TSHZ2: variants seen among roughly 807,000 people sequenced by gnomAD.
The protein encoded by TSHZ2 is teashirt zinc finger homeobox 2.
Under a neutral mutation model 74.4 loss-of-function variants are expected in TSHZ2, and 21 were observed. That is an observed-to-expected ratio of 0.28 (90% CI 0.20 to 0.41). The LOEUF (loss-of-function observed/expected upper bound fraction) is 0.41. Among genes scored for constraint, TSHZ2 ranks in the 10% least tolerant of loss-of-function variants. The pLI is 1.00. For missense variants in TSHZ2, 1,244 were observed against 1,293.5 expected, an observed-to-expected ratio of 0.96 and a Z score of 0.59; for synonymous variants, 540 against 515.3, an observed-to-expected ratio of 1.05 and a Z score of -0.65.
chr20:53,108,855 T>C (rs565994188), intron 1 of TSHZ2, among the ~76,000 whole-genome samples: 19 of 152,292 alleles, frequency 1.2e-4, no homozygotes, highest in African/African-American at 4.3e-4. Context: ...AGTCTCTACC[T>C]TCAGTGTCCC....
chr20:53,206,090 G>C (rs1263421688), intron 1 of TSHZ2, among the ~76,000 whole-genome samples: 1 of 152,024 alleles, frequency 6.6e-6, no homozygotes, highest in Non-Finnish European at 1.5e-5. Flanking sequence ...GTGGTGGCAC[G>C]AGCCTGTAAT....
At chr20:53,208,495 G>A (rs143078958) in intron 1 of TSHZ2, 5 of 152,298 alleles carry the variant, frequency 3.3e-5, no homozygotes, top group Admixed American at 6.5e-5. Context: ...CACTCCCCAA[G>A]TATTGTAACT....
intron 2 of TSHZ2, among the ~76,000 whole-genome samples, chr20:53,362,387 T>G (rs550974116): frequency 1.3e-5 from 2 of 151,192 alleles, no homozygotes; most frequent in East Asian, 3.9e-4. Flanking sequence ...GGTTTCGCTG[T>G]GTTAGCCAGG....
chr20:53,140,943 T>C (rs1368231400), intron 1 of TSHZ2, among the ~76,000 whole-genome samples: 1 of 152,242 alleles, frequency 6.6e-6, no homozygotes, highest in African/African-American at 2.4e-5. Flanking sequence ...TGAAGCTTTG[T>C]GTGTCTTGCA....
chr20:53,345,681 C>A (rs1478838640), intron 2 of TSHZ2, among the ~76,000 whole-genome samples: 1 of 151,354 alleles, frequency 6.6e-6, no homozygotes, highest in Non-Finnish European at 1.5e-5. Flanking sequence ...GCCCGCCCCC[C>A]CATTCTGTTG....
Position 53,139,613 on chromosome 20 carries a change from A to G in TSHZ2, c.41-113886A>G, listed in dbSNP as rs562983542. 1.4e-4 allele frequency among the ~76,000 whole-genome samples: 22 copies of G among 152,322 alleles called. 1 individual carries two copies. The East Asian group carries it at 3.3e-3, about 23-fold the overall frequency. ...TTTTGCTTTTAAGTGGCAGTGATCA[A>G]AAGTGGAATCTTTCGTGTCAGATAG... On this transcript the variant is annotated intron_variant, in intron 1 of 2. Transcript: ENST00000371497.
At chr20:53,277,770 A>G (rs764527368) in intron 2 of TSHZ2, among the ~76,000 whole-genome samples, 4 of 152,208 alleles carry the variant, frequency 2.6e-5, no homozygotes, top group Non-Finnish European at 4.4e-5. Flanking sequence ...AATGCCTGCA[A>G]CTTGGAGAAT....
At chr20:53,222,479 T>C (rs939599868) in intron 1 of TSHZ2, among the ~76,000 whole-genome samples, 5 of 152,222 alleles carry the variant, frequency 3.3e-5, no homozygotes, top group Non-Finnish European at 7.3e-5. Context: ...GAAGAAGGCG[T>C]GCCACTCTAA....
intron 1 of TSHZ2, among the ~76,000 whole-genome samples, chr20:53,181,173 T>G (rs1237462185): frequency 2.0e-5 from 3 of 152,220 alleles, no homozygotes; most frequent in Non-Finnish European, 2.9e-5. Flanking sequence ...ATAAAGAATC[T>G]CTTCTCTACA....
intron 1 of TSHZ2, among the ~76,000 whole-genome samples, chr20:53,137,472 C>G (rs555070973): frequency 6.6e-6 from 1 of 152,036 alleles, no homozygotes; most frequent in Non-Finnish European, 1.5e-5. Context: ...AATGGAATCA[C>G]TTTGTAAATG....
chr20:53,267,071 C>A (rs1293315979), intron 2 of TSHZ2, among the ~76,000 whole-genome samples: 1 of 152,190 alleles, frequency 6.6e-6, no homozygotes, highest in Non-Finnish European at 1.5e-5. Flanking sequence ...AGCCACCACG[C>A]CCGGCCTCGA....
In TSHZ2 at chr20:53,290,447, T is replaced by C. The variant is rs148757302; in HGVS notation, c.*8+33876T>C. On this transcript the variant is annotated intron_variant, in intron 2 of 2. Coordinates refer to ENST00000371497, the MANE Select transcript of TSHZ2 (RefSeq NM_173485.6). ...GAGCAAACATTTATACAATGTCTAC[T>C]ATATGAAAGGCAAACTACTAGAAAA... Among the ~76,000 whole-genome samples the C allele has an allele frequency of 3.0e-4, 45 of 152,140 alleles. 2 individuals carry two copies. The highest frequency in any genetic ancestry group is 1.0e-3 in the African/African-American group (42 of 41,508).
intron 1 of TSHZ2, among the ~76,000 whole-genome samples, chr20:53,152,906 A>G (rs1002458768): frequency 1.3e-5 from 2 of 152,198 alleles, no homozygotes; most frequent in Non-Finnish European, 2.9e-5. Flanking sequence ...GACCCAGAGA[A>G]GAATTGCCTA....
chr20:53,177,015 T>G (rs1049526187), intron 1 of TSHZ2, among the ~76,000 whole-genome samples: 4 of 152,192 alleles, frequency 2.6e-5, no homozygotes, highest in Admixed American at 2.6e-4. Flanking sequence ...TATTTATTTT[T>G]GTTATTATTG....
chr20:53,121,291 A>G (rs945056066), intron 1 of TSHZ2, among the ~76,000 whole-genome samples: 1 of 152,216 alleles, frequency 6.6e-6, no homozygotes, highest in South Asian at 2.1e-4. Flanking sequence ...TCATTACTAA[A>G]TCATCTTAAG....
Position 53,255,358 on chromosome 20 carries a change from T to C in TSHZ2, c.1900T>C (p.Phe634Leu). ...SSFSHSEGDS[F>L]RKSETPPEAK... Reference sequence around the variant, plus strand: ...TTTCAGCCACAGTGAGGGCGATTCTTTCCGCAAAAGTGAAACACCTCCAGA... The same window carrying C: ...TTTCAGCCACAGTGAGGGCGATTCTCTCCGCAAAAGTGAAACACCTCCAGA... Residue 634 changes from phenylalanine (F) to leucine (L), a missense_variant, in exon 2 of 3, where the codon TTC becomes CTC. Physicochemically the swap from Phe to Leu is conservative, Grantham distance 22. Transcript: ENST00000371497. The surrounding 1 kb of genome is among the most constrained non-coding windows in gnomAD (Gnocchi z 4.1). The C allele has an allele frequency of 6.2e-7, 1 of 1,614,080 alleles. No homozygotes were observed.
At chr20:53,213,697 C>CTTT (rs11480283) in intron 1 of TSHZ2, among the ~76,000 whole-genome samples, 76 of 145,304 alleles carry the variant, frequency 5.2e-4, no homozygotes, top group African/African-American at 1.7e-3. Flanking sequence ...ACTAATTGGA[C>CTTT]TTTTTTTTTT....
At chr20:53,220,309 C>T (rs1290153257) in intron 1 of TSHZ2, among the ~76,000 whole-genome samples, 1 of 152,210 alleles carries the variant, frequency 6.6e-6, no homozygotes, top group African/African-American at 2.4e-5. Flanking sequence ...AAGTCACATA[C>T]ATACACACGT....
chr20:53,379,245 G>A (rs1228847616), intron 2 of TSHZ2, among the ~76,000 whole-genome samples: 2 of 152,110 alleles, frequency 1.3e-5, no homozygotes, highest in Admixed American at 1.3e-4. Flanking sequence ...AGCCAGCCGT[G>A]GTGTCACGCG....
Sources: gnomAD v4.1 joint callset for allele counts (sites outside exome capture counted in the v4.1 genomes callset) on GRCh38, gnomAD v4.1.1 for gene constraint, Gnocchi (gnomAD v3.1) non-coding constraint, MANE v1.5 for transcripts, NCBI Gene and HGNC (gene_info 2026-07-23, HGNC 2026-07-21) for gene names.